The following ALG12 variants were observed in gnomAD, a reference collection of about 807,000 sequenced individuals.
The protein encoded by ALG12 is dol-P-Man:Man(7)GlcNAc(2)-PP-Dol alpha-1,6-mannosyltransferase.
In ALG12, 36 loss-of-function variants were observed where a neutral mutation model predicts 46.0. That is an observed-to-expected ratio of 0.78 (90% CI 0.60 to 1.03). ALG12 has a LOEUF of 1.03. Among genes scored for constraint, ALG12 ranks in the 50% least tolerant of loss-of-function variants. The pLI is 0.00. For missense variants in ALG12, 599 were observed against 633.5 expected (o/e 0.95, Z 0.58); for synonymous variants, 326 against 291.6 (o/e 1.12, Z -1.20).
Position 49,907,911 on chromosome 22 carries a change from G to C in ALG12, c.802C>G (p.Leu268Val). 1 of 1,613,418 alleles carries C rather than the reference G, an allele frequency of 6.2e-7. No homozygotes were observed. The highest frequency in any genetic ancestry group is 8.5e-7 in the Non-Finnish European group (1 of 1,179,974). The stretch of plus-strand genomic sequence containing the variant: ...AGGCTGCAGCCCAGGCCGCGGGGCA[G>C]GGCTGAGTAGAAGTACCACAGCAGC... ...SPLLWYFYSA[L>V]PRGLGCSLLF... Residue 268 changes from leucine (L) to valine (V), a missense_variant, in exon 7 of 10, where the codon CTG becomes GTG. By Grantham distance (32) the Leu-to-Val change is conservative (BLOSUM62 1). Coordinates refer to ENST00000330817, the MANE Select transcript of ALG12 (RefSeq NM_024105.4).
chr22:49,876,569 G>A, the ALG12 span, among the ~76,000 whole-genome samples: 4 of 152,022 alleles, frequency 2.6e-5, no homozygotes, highest in Non-Finnish European at 5.9e-5. Flanking sequence ...CGGTATTAAT[G>A]TCGCCACTCC....
At chr22:49,887,884 T>C in the ALG12 span, 1 of 167,280 alleles carries the variant, frequency 6.0e-6, no homozygotes, top group Non-Finnish European at 1.5e-5. Flanking sequence ...TCCTCTGAAA[T>C]GTGATCCCTT....
At chr22:49,886,641 G>A in the ALG12 span, 1 of 1,594,824 alleles carries the variant, frequency 6.3e-7, no homozygotes, top group Non-Finnish European at 8.5e-7. This position sits in a 1 kb window ranked among gnomAD's most constrained non-coding sequence, Gnocchi z 7.7. Flanking sequence ...TGAGCCGCCT[G>A]TCTGCCACCC....
chr22:49,909,110 G>A, intron 6 of ALG12, 134 bp downstream of exon 6: 2 of 937,692 alleles, frequency 2.1e-6, no homozygotes, highest in Admixed American at 3.7e-5. Flanking sequence ...CAAGTGGGAG[G>A]GAGGGGCTCC....
At chr22:49,871,819 A>G in the ALG12 span, among the ~76,000 whole-genome samples, 4 of 149,526 alleles carry the variant, frequency 2.7e-5, no homozygotes, top group African/African-American at 7.4e-5. Flanking sequence ...CAGTGGTGTG[A>G]TCTCAGCTCA....
rs2146608062 is a variant in ALG12 at position 49,910,088 on chromosome 22, A to T, written c.470T>A (p.Val157Asp). The T allele has an allele frequency of 6.2e-7, 1 of 1,604,922 alleles. No homozygotes were observed. The highest frequency in any genetic ancestry group is 1.3e-5 in the African/African-American group (1 of 74,894). ...TLPNVLALPV[V>D]LLALAAWLRH... is the part of the protein sequence containing the mutation. ...CAGCCAGGCCGCGAGGGCCAGCAGG[A>T]CTGCAAGACAGTGCGGGAGGGTGCT... Residue 157 changes from valine to aspartate, a missense_variant and splice_region_variant, in exon 5 of 10, where the codon GTC (valine) becomes GAC (aspartate). Val to Asp is a radical substitution (Grantham distance 152). Coordinates refer to ENST00000330817, the MANE Select transcript of ALG12 (RefSeq NM_024105.4).
the ALG12 span, chr22:49,885,361 T>A: frequency 6.3e-7 from 1 of 1,588,486 alleles, no homozygotes; most frequent in Non-Finnish European, 8.6e-7. Flanking sequence ...GTGGAATCAT[T>A]TTTCTATTTG....
chr22:49,877,102 C>T, the ALG12 span, among the ~76,000 whole-genome samples: 12 of 152,022 alleles, frequency 7.9e-5, no homozygotes, highest in East Asian at 1.9e-4. Context: ...AGTAAATGAA[C>T]GCTGGCAGTG....
chr22:49,907,878 T>A lies in ALG12; in HGVS notation c.835A>T (p.Ile279Phe), dbSNP rs991273057. The change falls in exon 7 of 10, where the codon ATC (isoleucine) becomes TTC (phenylalanine). Residue 279 changes from isoleucine to phenylalanine, a missense_variant. By Grantham distance (21) the Ile-to-Phe change is conservative. Transcript: ENST00000330817. ...CTTCTGTCTACCAAGCCCAGGGGGATGAAGAGCAGGCTGCAGCCCAGGCCG... is the reference window on the plus strand; with the variant it reads ...CTTCTGTCTACCAAGCCCAGGGGGAAGAAGAGCAGGCTGCAGCCCAGGCCG... The part of the protein sequence containing the change: ...PRGLGCSLLF[I>F]PLGLVDRRTH... The A allele has an allele frequency of 2.5e-6, 4 of 1,613,688 alleles. No homozygotes were observed. The highest frequency in any genetic ancestry group is 3.4e-6 in the Non-Finnish European group (4 of 1,180,004).
the ALG12 span, chr22:49,884,824 T>A: frequency 6.2e-7 from 1 of 1,610,710 alleles, no homozygotes; most frequent in Admixed American, 1.7e-5. Context: ...TTCGGCCTCC[T>A]CCTCCCCTGA....
chr22:49,893,189 A>C, the ALG12 span, among the ~76,000 whole-genome samples: 1 of 152,210 alleles, frequency 6.6e-6, no homozygotes, highest in African/African-American at 2.4e-5. Flanking sequence ...GCAAGAGAAA[A>C]GACTAGCACA....
Position 49,903,956 on chromosome 22 carries a change from A to C in ALG12, c.1349T>G (p.Val450Gly). 6.2e-7 allele frequency: 1 copy of C among 1,614,128 alleles called. No individual in the cohort carries two copies. The highest frequency in any genetic ancestry group is 8.5e-7 in the Non-Finnish European group (1 of 1,180,002). ...TGTGGTCCCCACGACGCTGGCCAGG[A>C]CCCGGTGTGTGTCCCTGTAGAGGGC... ...LLALYRDTHRVLASVVGTTGV... is the reference protein window; with the variant it reads ...LLALYRDTHRGLASVVGTTGV... Residue 450 changes from valine to glycine, a missense_variant, in exon 10 of 10, where the codon GTC (valine) becomes GGC (glycine). Val to Gly is a moderately radical substitution (Grantham distance 109, BLOSUM62 -3). Coordinates refer to ENST00000330817, the MANE Select transcript of ALG12 (RefSeq NM_024105.4).
the ALG12 span, among the ~76,000 whole-genome samples, chr22:49,875,599 T>C: frequency 2.0e-5 from 3 of 152,048 alleles, no homozygotes; most frequent in South Asian, 6.2e-4. Context: ...TTTTGTATTT[T>C]TAGTAGATAC....
the ALG12 span, among the ~76,000 whole-genome samples, chr22:49,891,102 CTG>C: frequency 6.6e-6 from 1 of 152,116 alleles, no homozygotes; most frequent in Non-Finnish European, 1.5e-5. Flanking sequence ...TCCCAAGAAA[CTG>C]TTGCCATGAC....
the ALG12 span, among the ~76,000 whole-genome samples, chr22:49,876,967 G>C: frequency 5.9e-5 from 9 of 152,172 alleles, no homozygotes; most frequent in African/African-American, 1.4e-4. Flanking sequence ...AGATGATTCT[G>C]ATGATTCAGA....
At chr22:49,913,327 G>A in intron 3 of ALG12, 58 bp downstream of exon 3, 1 of 1,609,586 alleles carries the variant, frequency 6.2e-7, no homozygotes, top group Non-Finnish European at 8.5e-7. Flanking sequence ...CCTCGCTGAG[G>A]TCACCCGATG....
In ALG12 at chr22:49,903,519, C is replaced by T. The variant is rs762657744; in HGVS notation, c.*319G>A. ...TGGCAGACAGGTGCCTGGGTGAGCC[C>T]GCTGCTCCTGATTAGTCATGAATGG... On this transcript the variant is annotated 3_prime_UTR_variant, in exon 10 of 10. Coordinates refer to ENST00000330817, the MANE Select transcript of ALG12 (RefSeq NM_024105.4). The T allele has an allele frequency of 8.4e-5, 45 of 538,124 alleles. No individual in the cohort carries two copies. Among genetic ancestry groups the T allele is most frequent in the Non-Finnish European group, 1.4e-4 (38 of 280,498 alleles). 33.3% of individuals were successfully genotyped at this position (538,124 alleles called of 1,614,324 possible). A position where few individuals can be genotyped will look rare whatever the true frequency, so the allele number is the denominator to read the frequency against.
chr22:49,898,539 G>A (rs528746531), downstream of ALG12, among the ~76,000 whole-genome samples: 8 of 151,788 alleles, frequency 5.3e-5, no homozygotes, highest in East Asian at 5.8e-4. Flanking sequence ...ACAGGTGCCC[G>A]CCACCATGCC....
the ALG12 span, among the ~76,000 whole-genome samples, chr22:49,894,607 G>T: frequency 5.9e-5 from 9 of 152,210 alleles, no homozygotes; most frequent in Non-Finnish European, 1.0e-4. Flanking sequence ...AGGTTAATGG[G>T]ATGACACAAC....
Sources: gnomAD v4.1 joint callset for allele counts (sites outside exome capture counted in the v4.1 genomes callset) on GRCh38, gnomAD v4.1.1 for gene constraint, Gnocchi (gnomAD v3.1) non-coding constraint, MANE v1.5 for transcripts, NCBI Gene and HGNC (gene_info 2026-07-23, HGNC 2026-07-21) for gene names.